VWA8: variants seen among roughly 807,000 people sequenced by gnomAD.
VWA8 encodes von Willebrand factor A domain-containing protein 8.
A neutral mutation model predicts 241.5 loss-of-function variants in VWA8; 221 were observed. The observed-to-expected ratio is 0.91, with a 90% CI of 0.82 to 1.02. VWA8 has a LOEUF of 1.02. Among genes scored for constraint, VWA8 ranks in the 50% least tolerant of loss-of-function variants. The probability of loss-of-function intolerance (pLI) is 0.00; values close to 1 mark genes in which losing one functional copy is unlikely to be tolerated. For synonymous variants in VWA8, 852 were observed against 827.1 expected, an observed-to-expected ratio of 1.03 and a Z score of -0.52; for missense variants, 2,322 against 2,328.7, an observed-to-expected ratio of 1.00 and a Z score of 0.06.
intron 9 of VWA8, among the ~76,000 whole-genome samples, chr13:41,881,722 C>A (rs1220877952): frequency 7.1e-6 from 1 of 141,808 alleles, no homozygotes; most frequent in Non-Finnish European, 1.6e-5. Context: ...GCTGGCCGGG[C>A]TGGGGGCTGA....
chr13:41,750,705 G>A (rs1300813696), intron 21 of VWA8, among the ~76,000 whole-genome samples: 1 of 152,124 alleles, frequency 6.6e-6, no homozygotes, highest in Non-Finnish European at 1.5e-5. Context: ...CTGCAACCTT[G>A]TGCTAAGACT....
chr13:41,672,934 T>C (rs888919028), intron 36 of VWA8, among the ~76,000 whole-genome samples: 1 of 152,182 alleles, frequency 6.6e-6, no homozygotes, highest in Admixed American at 6.5e-5. Flanking sequence ...TATGATTCTA[T>C]TGACCACTGT....
Position 41,783,783 on chromosome 13 carries a change from C to CAAT in VWA8, c.2277+9_2277+11dup. 1 of 1,589,968 alleles carries CAAT rather than the reference C, an allele frequency of 6.3e-7. No individual in the cohort carries two copies. The stretch of plus-strand genomic sequence containing the variant: ...AAGTGATTTATCCAAGAACACAAAG[C>CAAT]AATACTCTTACCTGAATGTTGTCAT... On this transcript the variant is annotated intron_variant, in intron 19 of 44. Transcript: ENST00000379310.
intron 2 of VWA8, among the ~76,000 whole-genome samples, chr13:41,919,524 C>T (rs1876413577): frequency 6.6e-6 from 1 of 152,078 alleles, no homozygotes; most frequent in South Asian, 2.1e-4. Context: ...TCATTGCACC[C>T]CTCCATCCTG....
intron 21 of VWA8, among the ~76,000 whole-genome samples, chr13:41,732,430 G>C (rs1029948642): frequency 6.6e-6 from 1 of 151,484 alleles, no homozygotes; most frequent in Non-Finnish European, 1.5e-5. Context: ...AATATGTCTT[G>C]TAACCACTTC....
At chr13:41,615,861 T>C (rs1018737498) in intron 37 of VWA8, among the ~76,000 whole-genome samples, 7 of 152,240 alleles carry the variant, frequency 4.6e-5, no homozygotes, top group African/African-American at 1.7e-4. Context: ...GTTCAGTAGA[T>C]ACTACTCCAC....
In VWA8 at chr13:41,853,836, T is replaced by C. The variant is rs775391250; in HGVS notation, c.1425+11900A>G. ...TCTTTTCTGTGGTTTTTCTGTTTTC[T>C]ATTCTATTTCATTTTTTCAACTAGA... On this transcript the variant is annotated intron_variant, in intron 12 of 44. Transcript: ENST00000379310. Among the ~76,000 whole-genome samples the C allele has an allele frequency of 2.0e-5, 3 of 152,348 alleles. No homozygotes were observed. In the East Asian group the frequency reaches 5.8e-4, roughly 29 times the overall value.
At chr13:41,622,547 C>T (rs1485355939) in intron 37 of VWA8, among the ~76,000 whole-genome samples, 1 of 152,192 alleles carries the variant, frequency 6.6e-6, no homozygotes, top group Non-Finnish European at 1.5e-5. Context: ...TTTGATGCAA[C>T]CCGATGCTGA....
At chr13:41,603,165 C>G (rs1037255158) in intron 40 of VWA8, among the ~76,000 whole-genome samples, 6 of 152,154 alleles carry the variant, frequency 3.9e-5, no homozygotes, top group Admixed American at 1.3e-4. Flanking sequence ...TGCATTTAAT[C>G]TTACTTGTTG....
chr13:41,586,974 C>T (rs1345216322), intron 42 of VWA8, among the ~76,000 whole-genome samples: 1 of 152,134 alleles, frequency 6.6e-6, no homozygotes, highest in East Asian at 1.9e-4. Context: ...GGTCCCTTCA[C>T]CATGCTAGAC....
At chr13:41,703,623 AG>A (rs1389544631) in intron 26 of VWA8, among the ~76,000 whole-genome samples, 2 of 152,218 alleles carry the variant, frequency 1.3e-5, no homozygotes, top group African/African-American at 4.8e-5. Context: ...GAAACTAAGA[AG>A]GTAAGGCAAG....
chr13:41,915,571 G>T (rs1326249964), intron 2 of VWA8, among the ~76,000 whole-genome samples: 2 of 152,170 alleles, frequency 1.3e-5, no homozygotes, highest in East Asian at 3.8e-4. Context: ...TTTTCTCAAG[G>T]CCTCTGTTGC....
intron 17 of VWA8, among the ~76,000 whole-genome samples, chr13:41,793,146 A>C (rs1300421407): frequency 6.6e-6 from 1 of 152,082 alleles, no homozygotes; most frequent in Non-Finnish European, 1.5e-5. Flanking sequence ...TTCTGCTTGT[A>C]GTTTACTAAG....
chr13:41,786,569 T>C (rs937277050), intron 18 of VWA8, among the ~76,000 whole-genome samples: 1 of 152,154 alleles, frequency 6.6e-6, no homozygotes, highest in East Asian at 1.9e-4. Context: ...TTTAATAGAC[T>C]CACTCAAATA....
intron 37 of VWA8, among the ~76,000 whole-genome samples, chr13:41,644,648 T>C (rs1000533474): frequency 2.0e-5 from 3 of 152,244 alleles, no homozygotes; most frequent in Non-Finnish European, 2.9e-5. Flanking sequence ...CTGTGCAAGG[T>C]GGGTTCCCCT....
chr13:41,763,733 C>A lies in VWA8; in HGVS notation c.2350-2529G>T, dbSNP rs571636391. 9.9e-5 allele frequency among the ~76,000 whole-genome samples: 15 copies of A among 152,258 alleles called. No homozygotes were observed. The South Asian group carries it at 2.1e-3, about 21-fold the overall frequency. ...CAAATGCATTACAATGTCAGAAATA[C>A]AAAGGATTTCCTGGAAGAAATGTCA... On this transcript the variant is annotated intron_variant, in intron 20 of 44. Transcript: ENST00000379310.
chr13:41,765,632 A>G (rs1036136068), intron 20 of VWA8, among the ~76,000 whole-genome samples: 2 of 152,184 alleles, frequency 1.3e-5, no homozygotes, highest in African/African-American at 4.8e-5. Flanking sequence ...ATAAAGTTAC[A>G]CATGCTTATT....
chr13:41,862,096 GA>G (rs1873032732), intron 12 of VWA8, among the ~76,000 whole-genome samples: 1 of 152,068 alleles, frequency 6.6e-6, no homozygotes, highest in Non-Finnish European at 1.5e-5. Context: ...TACAAAAACA[GA>G]TACCTAGACC....
chr13:41,632,694 A>G (rs1476503139), intron 37 of VWA8, among the ~76,000 whole-genome samples: 2 of 152,136 alleles, frequency 1.3e-5, no homozygotes, highest in African/African-American at 4.8e-5. Context: ...GGCCACAATA[A>G]TGCTTATGAA....
Sources: allele counts gnomAD v4.1 joint callset (sites outside exome capture counted in the v4.1 genomes callset), GRCh38; gene constraint gnomAD v4.1.1; transcripts MANE v1.5; gene names NCBI Gene and HGNC (gene_info 2026-07-23, HGNC 2026-07-21).